SDHAF4: variants seen among roughly 807,000 people sequenced by gnomAD.
The protein encoded by SDHAF4 is succinate dehydrogenase assembly factor 4, mitochondrial.
SDHAF4 carries 14 observed loss-of-function variants against 14.3 expected under a neutral mutation model. That is an observed-to-expected ratio of 0.98 (90% CI 0.65 to 1.53). SDHAF4 has a LOEUF of 1.53. Ranked by LOEUF, SDHAF4 falls within the 40% of genes most tolerant of loss-of-function variation. SDHAF4 has a pLI of 0.00. For missense variants in SDHAF4, 141 were observed against 129.3 expected, an observed-to-expected ratio of 1.09 and a Z score of -0.44; for synonymous variants, 63 against 47.3, an observed-to-expected ratio of 1.33 and a Z score of -1.36.
chr6:70,568,118 CATTTT>C (rs1017052265), intron 1 of SDHAF4, among the ~76,000 whole-genome samples: 3 of 152,196 alleles, frequency 2.0e-5, no homozygotes, highest in Non-Finnish European at 2.9e-5. Flanking sequence ...CAAATACAAA[CATTTT>C]ACTTAATTGT....
intron 1 of SDHAF4, among the ~76,000 whole-genome samples, chr6:70,568,336 A>G (rs1349433134): frequency 6.6e-6 from 1 of 152,202 alleles, no homozygotes; most frequent in Non-Finnish European, 1.5e-5. Context: ...TGTAGCAGTC[A>G]TGTAAGCTAT....
the SDHAF4 span, among the ~76,000 whole-genome samples, chr6:70,597,299 A>ATTTTTTTTTTTTTTTTTTTT: frequency 9.8e-4 from 106 of 108,064 alleles, no homozygotes; most frequent in Non-Finnish European, 1.2e-3. Flanking sequence ...CGCCTGGCTA[A>ATTTTTTTTTTTTTTTTTTTT]TTTTTTTTTT....
At chr6:70,581,695 C>T (rs150846025) in intron 2 of SDHAF4, among the ~76,000 whole-genome samples, 7 of 152,166 alleles carry the variant, frequency 4.6e-5, no homozygotes, top group Admixed American at 1.3e-4. Context: ...GCAGCCTTAA[C>T]CTTCCCAGCT....
intron 1 of SDHAF4, among the ~76,000 whole-genome samples, chr6:70,570,986 T>C (rs1802171436): frequency 6.6e-6 from 1 of 152,146 alleles, no homozygotes; most frequent in South Asian, 2.1e-4. Flanking sequence ...AGTCCAAGCC[T>C]TTGTGAAATA....
downstream of SDHAF4, among the ~76,000 whole-genome samples, chr6:70,594,059 T>A (rs2128537173): frequency 6.6e-6 from 1 of 152,324 alleles, no homozygotes; most frequent in Admixed American, 6.5e-5. Flanking sequence ...TTACTCCATT[T>A]TGCTCTCCTA....
chr6:70,568,962 CTTTTTTTTTT>C (rs5877254), intron 1 of SDHAF4, among the ~76,000 whole-genome samples: 8 of 98,000 alleles, frequency 8.2e-5, no homozygotes, highest in Admixed American at 4.1e-4. Flanking sequence ...TTTCTTTTTT[CTTTTTTTTTT>C]TTTTTTTTTT....
At chr6:70,582,178 C>T (rs72919760) in intron 2 of SDHAF4, among the ~76,000 whole-genome samples, 3 of 152,252 alleles carry the variant, frequency 2.0e-5, no homozygotes, top group Non-Finnish European at 4.4e-5. Flanking sequence ...GTTCCCTACT[C>T]AGCCTCTCCT....
intron 1 of SDHAF4, among the ~76,000 whole-genome samples, chr6:70,576,247 C>T (rs1215120065): frequency 1.3e-5 from 2 of 152,186 alleles, no homozygotes; most frequent in Non-Finnish European, 2.9e-5. Context: ...TATCTTCCCC[C>T]GTGTTCTGTC....
downstream of SDHAF4, among the ~76,000 whole-genome samples, chr6:70,592,015 A>T (rs975137693): frequency 1.3e-5 from 2 of 152,222 alleles, no homozygotes; most frequent in African/African-American, 4.8e-5. Context: ...ATCTGAGCCC[A>T]CTCAGCCAAC....
intron 1 of SDHAF4, chr6:70,567,365 T>A: frequency 3.8e-6 from 1 of 264,452 alleles, no homozygotes; most frequent in Non-Finnish European, 7.1e-6. Flanking sequence ...AGAAGGCCCT[T>A]TGGGAATGGG....
chr6:70,586,940 G>T (rs191998431), intron 2 of SDHAF4, among the ~76,000 whole-genome samples: 1 of 151,780 alleles, frequency 6.6e-6, no homozygotes, highest in South Asian at 2.1e-4. Context: ...AGGCTGAGGC[G>T]GGTGGATCAC....
rs1802103104 is a variant in SDHAF4 at position 70,566,933 on chromosome 6, T to G, written c.-8T>G. ...TGCGCCTGCGCGGAGGCTCGGGGAG[T>G]CGGCGCCATGACCCCATCGAGGCTT... On this transcript the variant is annotated 5_prime_UTR_variant, in exon 1 of 3. Coordinates refer to ENST00000370474, the MANE Select transcript of SDHAF4 (RefSeq NM_145267.3). The G allele has an allele frequency of 1.9e-6, 3 of 1,575,356 alleles. No homozygotes were observed. The highest frequency in any genetic ancestry group is 2.6e-6 in the Non-Finnish European group (3 of 1,160,656).
intron 1 of SDHAF4, among the ~76,000 whole-genome samples, chr6:70,574,664 G>A (rs969487278): frequency 2.0e-5 from 3 of 151,948 alleles, no homozygotes; most frequent in Non-Finnish European, 2.9e-5. Flanking sequence ...AGCTGGGTGC[G>A]GTGGCTCACA....
intron 2 of SDHAF4, among the ~76,000 whole-genome samples, chr6:70,586,177 C>G (rs6914409): frequency 0.05 from 7,658 of 152,174 alleles, 537 homozygotes; most frequent in African/African-American, 0.16. Flanking sequence ...GCCTTTTGGT[C>G]TGTGTCTCAG....
At chr6:70,595,312 T>TGAATTACAAGTGCA in the SDHAF4 span, among the ~76,000 whole-genome samples, 1 of 152,208 alleles carries the variant, frequency 6.6e-6, no homozygotes, top group Non-Finnish European at 1.5e-5. Flanking sequence ...CTGTGTGATA[T>TGAATTACAAGTGCA]GAATTACAAG....
At chr6:70,595,494 A>G in the SDHAF4 span, among the ~76,000 whole-genome samples, 2 of 152,250 alleles carry the variant, frequency 1.3e-5, no homozygotes, top group Non-Finnish European at 2.9e-5. Flanking sequence ...TGTGCTACAA[A>G]GTAATAACTA....
chr6:70,573,381 A>C (rs1802210804), intron 1 of SDHAF4, among the ~76,000 whole-genome samples: 1 of 145,622 alleles, frequency 6.9e-6, no homozygotes, highest in South Asian at 2.1e-4. Context: ...CTCCTGCCTC[A>C]GCCTCCTGAG....
intron 2 of SDHAF4, among the ~76,000 whole-genome samples, chr6:70,579,879 G>C (rs961081554): frequency 6.6e-6 from 1 of 151,274 alleles, no homozygotes; most frequent in Non-Finnish European, 1.5e-5. Context: ...ATCAAAGAAG[G>C]TTATGTTATT....
the SDHAF4 span, among the ~76,000 whole-genome samples, chr6:70,597,427 G>A: frequency 6.6e-6 from 1 of 151,374 alleles, no homozygotes; most frequent in Non-Finnish European, 1.5e-5. Flanking sequence ...GGGATTACAG[G>A]CATGAGGCAC....
Sources: allele counts gnomAD v4.1 joint callset (sites outside exome capture counted in the v4.1 genomes callset), GRCh38; gene constraint gnomAD v4.1.1; transcripts MANE v1.5; gene names NCBI Gene and HGNC (gene_info 2026-07-23, HGNC 2026-07-21).